FMN1: variants seen among roughly 807,000 people sequenced by gnomAD.
FMN1 encodes the protein formin-1.
FMN1 carries 110 observed loss-of-function variants against 132.4 expected under a neutral mutation model. The observed-to-expected ratio is 0.83, with a 90% CI of 0.71 to 0.97. The LOEUF is 0.97. FMN1 is among the 50% of genes least tolerant of loss of function. FMN1 has a pLI of 0.00. For missense variants in FMN1, 1,792 were observed against 1,705.3 expected (o/e 1.05, Z -0.90); for synonymous variants, 722 against 651.7 (o/e 1.11, Z -1.64).
At chr15:32,914,069 G>A (rs1395253226) in intron 10 of FMN1, among the ~76,000 whole-genome samples, 5 of 152,000 alleles carry the variant, frequency 3.3e-5, no homozygotes, top group Non-Finnish European at 5.9e-5. Flanking sequence ...TCACACACTC[G>A]GTGTAGATTA....
At chr15:33,186,546 C>G (rs936860052) in intron 2 of FMN1, among the ~76,000 whole-genome samples, 1 of 152,112 alleles carries the variant, frequency 6.6e-6, no homozygotes, top group Non-Finnish European at 1.5e-5. Context: ...ACAGTTCTTG[C>G]AACTGTCACT....
At chr15:33,131,315 T>G (rs1461196611) in intron 4 of FMN1, among the ~76,000 whole-genome samples, 2 of 117,366 alleles carry the variant, frequency 1.7e-5, no homozygotes, top group African/African-American at 7.2e-5. Context: ...GGTGACAGAG[T>G]GAGACTCCAT....
At chr15:32,930,720 T>TGG (rs370256753) in intron 9 of FMN1, among the ~76,000 whole-genome samples, 1,934 of 149,672 alleles carry the variant, frequency 0.013, 33 homozygotes, top group African/African-American at 0.046. Flanking sequence ...TTGCTTTTTT[T>TGG]GGGGGGGGGC....
intron 17 of FMN1, among the ~76,000 whole-genome samples, chr15:32,854,924 A>C (rs12905800): frequency 0.19 from 28,910 of 151,320 alleles, 3,562 homozygotes; most frequent in Non-Finnish European, 0.27. Context: ...CAAAAAAAAA[A>C]ACAAAAAACA....
intron 16 of FMN1, among the ~76,000 whole-genome samples, chr15:32,872,599 C>A (rs1262278263): frequency 1.3e-5 from 2 of 152,220 alleles, no homozygotes; most frequent in African/African-American, 4.8e-5. Context: ...CAGGCCTGAG[C>A]CTCTTTATGA....
Position 33,039,287 on chromosome 15 carries a change from G to A in FMN1, c.2161+25670C>T, listed in dbSNP as rs1411003060. Among the ~76,000 whole-genome samples, 3 of 152,132 alleles carry A rather than the reference G, an allele frequency of 2.0e-5. No individual in the cohort carries two copies. The East Asian group carries it at 5.8e-4, about 29-fold the overall frequency. On this transcript the variant is annotated intron_variant, in intron 6 of 20. Transcript: ENST00000616417. ...AGGAACAGAGATAATTATTTACCAA[G>A]GTTGACAGGTATGAGATATTAATTT...
chr15:33,063,730 C>G (rs1378070781), intron 6 of FMN1: 1 of 152,206 alleles, frequency 6.6e-6, no homozygotes, highest in Non-Finnish European at 1.5e-5. Context: ...TTGGGTTAAA[C>G]AGAAGTTTAG....
chr15:32,989,143 G>GAA (rs2140840220), intron 7 of FMN1, among the ~76,000 whole-genome samples: 1 of 151,782 alleles, frequency 6.6e-6, no homozygotes, highest in Non-Finnish European at 1.5e-5. Flanking sequence ...CCACTATAGG[G>GAA]GAAGAAAGGA....
intron 4 of FMN1, among the ~76,000 whole-genome samples, chr15:33,113,947 T>A (rs2039812376): frequency 1.3e-5 from 2 of 152,214 alleles, no homozygotes; most frequent in Admixed American, 1.3e-4. Context: ...ACCAGATCCT[T>A]AGCCACCTAC....
intron 7 of FMN1, among the ~76,000 whole-genome samples, chr15:33,006,268 G>A (rs1326262873): frequency 6.6e-6 from 1 of 151,788 alleles, no homozygotes; most frequent in African/African-American, 2.4e-5. Context: ...CATACAAAAG[G>A]GTCAACCAAT....
At chr15:32,813,554 C>T (rs1484975368) in intron 17 of FMN1, among the ~76,000 whole-genome samples, 1 of 152,152 alleles carries the variant, frequency 6.6e-6, no homozygotes, top group Admixed American at 6.5e-5. Context: ...TTCTTAAAGG[C>T]AATCATTTGA....
At chr15:33,136,457 C>T (rs1369304330) in intron 4 of FMN1, among the ~76,000 whole-genome samples, 1 of 152,146 alleles carries the variant, frequency 6.6e-6, no homozygotes, top group African/African-American at 2.4e-5. Context: ...TCAAATAGGA[C>T]TATGGAATAG....
chr15:32,856,181 C>A, intron 17 of FMN1, among the ~76,000 whole-genome samples: 1 of 152,158 alleles, frequency 6.6e-6, no homozygotes, highest in Admixed American at 6.5e-5. Context: ...GGTGTGGTAA[C>A]AAGTGGCCTT....
chr15:33,012,326 G>A (rs1596467719), intron 6 of FMN1: 5 of 811,436 alleles, frequency 6.2e-6, no homozygotes, highest in Admixed American at 1.7e-5. Flanking sequence ...GGAGGCAGAT[G>A]CAGCCATGAA....
intron 19 of FMN1, among the ~76,000 whole-genome samples, chr15:32,785,218 A>ATATATTTTTTTTTTTTTTTTTT (rs1444523400): frequency 5.1e-5 from 2 of 39,208 alleles, no homozygotes; most frequent in Non-Finnish European, 9.0e-5. Context: ...ATATATATAT[A>ATATATTTTTTTTTTTTTTTTTT]TTTTTTTTTT....
chr15:33,194,563 C>G lies in FMN1; in HGVS notation c.-349+15G>C, dbSNP rs1394093037. The G allele has an allele frequency of 6.6e-6, 1 of 152,524 alleles. No individual in the cohort carries two copies. 9.4% of individuals were successfully genotyped at this position (152,524 alleles called of 1,614,324 possible). On this transcript the variant is annotated intron_variant, in intron 1 of 20. Coordinates refer to ENST00000616417, the MANE Select transcript of FMN1 (RefSeq NM_001277313.2). ...ACGGGCAGATGGCCAGCAGAACAGA[C>G]AAGACTCTCTTTACCTGACCAATAC... is the stretch of plus-strand genomic sequence containing the variant.
At chr15:33,116,266 T>C (rs1347114659) in intron 4 of FMN1, among the ~76,000 whole-genome samples, 1 of 152,220 alleles carries the variant, frequency 6.6e-6, no homozygotes, top group African/African-American at 2.4e-5. Flanking sequence ...TATACCTGTT[T>C]ATAAAACTCT....
intron 4 of FMN1, among the ~76,000 whole-genome samples, chr15:33,107,603 T>C (rs763716518): frequency 6.6e-5 from 10 of 152,110 alleles, no homozygotes; most frequent in Non-Finnish European, 1.2e-4. Context: ...TTGGCTAAGA[T>C]GTTCCCCAGG....
At chr15:33,152,943 A>G (rs1488710795) in intron 4 of FMN1, 105 bp downstream of exon 4, 1 of 1,155,116 alleles carries the variant, frequency 8.7e-7, no homozygotes, top group East Asian at 2.6e-5. Flanking sequence ...TAGGCCTAGG[A>G]ATTTTGGTCC....
Sources: allele counts gnomAD v4.1 joint callset (sites outside exome capture counted in the v4.1 genomes callset), GRCh38; gene constraint gnomAD v4.1.1; transcripts MANE v1.5; gene names NCBI Gene and HGNC (gene_info 2026-07-23, HGNC 2026-07-21).